The following LDLRAD4 variants were observed in gnomAD, a reference collection of about 807,000 sequenced individuals.
LDLRAD4 encodes low density lipoprotein receptor class A domain containing 4, also known as low-density lipoprotein receptor class A domain-containing protein 4.
A neutral mutation model predicts 17.0 loss-of-function variants in LDLRAD4; 5 were observed. That is an observed-to-expected ratio of 0.29 (90% CI 0.15 to 0.62). The LOEUF is 0.62. LDLRAD4 is among the 20% of genes least tolerant of loss of function. The pLI is 0.84. For missense variants in LDLRAD4, 340 were observed against 424.7 expected (o/e 0.80, Z 1.75); for synonymous variants, 168 against 171.8 (o/e 0.98, Z 0.17).
chr18:13,595,452 TG>T (rs2095083812), intron 3 of LDLRAD4, among the ~76,000 whole-genome samples: 1 of 152,150 alleles, frequency 6.6e-6, no homozygotes, highest in Admixed American at 6.5e-5. Context: ...GATTTCCTTT[TG>T]GGGGAGAAAT....
intron 3 of LDLRAD4, among the ~76,000 whole-genome samples, chr18:13,509,419 A>G (rs1034052341): frequency 6.6e-6 from 1 of 152,256 alleles, no homozygotes; most frequent in Non-Finnish European, 1.5e-5. Flanking sequence ...ACTGCAAATA[A>G]GGTAGAAATA....
At chr18:13,251,993 A>C (rs779248904) in intron 1 of LDLRAD4, among the ~76,000 whole-genome samples, 2 of 152,234 alleles carry the variant, frequency 1.3e-5, no homozygotes, top group Non-Finnish European at 2.9e-5. Context: ...AACTGAAAAG[A>C]ATGTCATTTA....
intron 1 of LDLRAD4, among the ~76,000 whole-genome samples, chr18:13,283,077 T>A: frequency 6.6e-6 from 1 of 152,212 alleles, no homozygotes; most frequent in Non-Finnish European, 1.5e-5. Context: ...GTCCCTAGGT[T>A]GCATACAGCA....
At chr18:13,460,159 GT>G (rs2092361734) in intron 3 of LDLRAD4, 1 of 152,762 alleles carries the variant, frequency 6.5e-6, no homozygotes, top group Non-Finnish European at 1.5e-5. Context: ...GAAACTAGTA[GT>G]TAATGAACAT....
At chr18:13,641,436 TAGAG>T (rs1376030495) in intron 4 of LDLRAD4, among the ~76,000 whole-genome samples, 6 of 151,870 alleles carry the variant, frequency 4.0e-5, no homozygotes, top group Non-Finnish European at 8.8e-5. Context: ...GATGAATGAA[TAGAG>T]AGAAACAGAT....
chr18:13,408,436 G>A (rs2087992239), intron 2 of LDLRAD4, among the ~76,000 whole-genome samples: 1 of 151,188 alleles, frequency 6.6e-6, no homozygotes, highest in Non-Finnish European at 1.5e-5. Flanking sequence ...TAGAAAACCA[G>A]TCAATAGAAG....
chr18:13,379,966 G>GCCACTGCCCGCCAGC (rs1555667458), intron 1 of LDLRAD4, among the ~76,000 whole-genome samples: 1 of 145,496 alleles, frequency 6.9e-6, no homozygotes, highest in African/African-American at 2.5e-5. Context: ...GCAGAGGCCT[G>GCCACTGCCCGCCAGC]CCCCTGCCCG....
intron 1 of LDLRAD4, among the ~76,000 whole-genome samples, chr18:13,289,038 CT>C (rs1250455054): frequency 2.6e-5 from 4 of 152,184 alleles, no homozygotes; most frequent in Non-Finnish European, 1.5e-5. Context: ...CATCTGGGGA[CT>C]TTTAGAAACA....
chr18:13,503,896 G>A (rs1002259263), intron 3 of LDLRAD4, among the ~76,000 whole-genome samples: 3 of 152,000 alleles, frequency 2.0e-5, no homozygotes, highest in Non-Finnish European at 4.4e-5. Context: ...TAGGTAACAT[G>A]GATATACTAT....
intron 3 of LDLRAD4, among the ~76,000 whole-genome samples, chr18:13,473,596 C>T (rs1488277543): frequency 2.2e-5 from 3 of 139,014 alleles, no homozygotes; most frequent in African/African-American, 8.0e-5. Context: ...ATGATCGTGT[C>T]ACTACACTCC....
chr18:13,383,403 C>T (rs529402895), intron 1 of LDLRAD4, among the ~76,000 whole-genome samples: 1 of 152,242 alleles, frequency 6.6e-6, no homozygotes, highest in South Asian at 2.1e-4. Flanking sequence ...GGAAGCCGAC[C>T]AGGTGCTGCG....
intron 1 of LDLRAD4, 111 bp downstream of exon 1, chr18:13,219,099 GAGA>G (rs1336643550): frequency 6.6e-6 from 1 of 150,634 alleles, no homozygotes; most frequent in Non-Finnish European, 1.5e-5. Context: ...ATTGGAAAAG[GAGA>G]AGGTTTCCCG....
chr18:13,226,179 G>GTTTTTTTTTTTTTTTTTTTTTTTTTT (rs1243883704), intron 1 of LDLRAD4, among the ~76,000 whole-genome samples: 1 of 11,478 alleles, frequency 8.7e-5, no homozygotes, highest in Admixed American at 1.2e-3. Context: ...GCCATGCCTT[G>GTTTTTTTTTTTTTTTTTTTTTTTTTT]CTTTTTTTTT....
intron 1 of LDLRAD4, chr18:13,241,965 CACACGCGTCA>C (rs1191161766): frequency 2.0e-5 from 3 of 152,308 alleles, no homozygotes; most frequent in Non-Finnish European, 4.4e-5. Context: ...GCGGGTTTCT[CACACGCGTCA>C]TCACGCGAGG....
At chr18:13,306,570 G>T (rs762974064) in intron 1 of LDLRAD4, among the ~76,000 whole-genome samples, 33 of 152,098 alleles carry the variant, frequency 2.2e-4, no homozygotes, top group African/African-American at 7.7e-4. Flanking sequence ...CATTACACAC[G>T]GCGTTCTATG....
chr18:13,557,562 G>A (rs948064305), intron 3 of LDLRAD4, among the ~76,000 whole-genome samples: 2 of 152,070 alleles, frequency 1.3e-5, no homozygotes, highest in Non-Finnish European at 2.9e-5. Flanking sequence ...TACCACACCC[G>A]GCTAATTTTT....
At chr18:13,591,372 T>C (rs541269466) in intron 3 of LDLRAD4, among the ~76,000 whole-genome samples, 2 of 152,176 alleles carry the variant, frequency 1.3e-5, no homozygotes, top group East Asian at 3.9e-4. Flanking sequence ...CTTCCTGAAG[T>C]CAGCTGCAAC....
At position 13,497,498 on chromosome 18, in the gene LDLRAD4, GT is replaced by G. The variant is rs960874302; in HGVS notation, c.181+59126del. ...CTGGCAAAAGGGTGGCTCTTGTAGT[GT>G]TTTTTTTTTTTCCTTCTTTTTTCAC... On this transcript the variant is annotated intron_variant, in intron 3 of 5. Coordinates refer to ENST00000359446, the Ensembl canonical transcript of LDLRAD4. Among the ~76,000 whole-genome samples, 160 of 144,848 alleles carry G rather than the reference GT, an allele frequency of 1.1e-3. 2 individuals are homozygous for G. In the East Asian group the frequency reaches 0.017, roughly 15 times the overall value.
At chr18:13,559,774 G>A (rs945163029) in intron 3 of LDLRAD4, among the ~76,000 whole-genome samples, 5 of 152,060 alleles carry the variant, frequency 3.3e-5, no homozygotes, top group African/African-American at 7.3e-5. Flanking sequence ...CAGGACATTC[G>A]CTAAATCACT....
Sources: gnomAD v4.1 joint callset for allele counts (sites outside exome capture counted in the v4.1 genomes callset) on GRCh38, gnomAD v4.1.1 for gene constraint, MANE v1.5 for transcripts, NCBI Gene and HGNC (gene_info 2026-07-23, HGNC 2026-07-21) for gene names.